The following ECHDC1 variants were observed in gnomAD, a reference collection of about 807,000 sequenced individuals.
ECHDC1 encodes the protein ethylmalonyl-CoA decarboxylase.
ECHDC1 carries 29 observed loss-of-function variants against 29.7 expected under a neutral mutation model. The ratio of observed to expected loss-of-function variants is 0.98; its 90% confidence interval spans 0.73 to 1.33. The LOEUF is 1.33. Among genes scored for constraint, ECHDC1 ranks in the 40% most tolerant of loss-of-function variants. The pLI is 0.00. For missense variants in ECHDC1, 328 were observed against 350.0 expected (o/e 0.94, Z 0.50); for synonymous variants, 126 against 123.1 (o/e 1.02, Z -0.15).
chr6:127,313,681 A>C, intron 5 of ECHDC1: 1 of 435,368 alleles, frequency 2.3e-6, no homozygotes, highest in Admixed American at 2.6e-5. Context: ...ATTTTTAAAA[A>C]AATGGCAAGG....
intron 5 of ECHDC1, among the ~76,000 whole-genome samples, chr6:127,302,545 G>A (rs879825326): frequency 4.6e-5 from 7 of 151,802 alleles, no homozygotes; most frequent in East Asian, 3.9e-4. Context: ...AATTACAGGC[G>A]CCTGCCACCA....
intron 5 of ECHDC1, among the ~76,000 whole-genome samples, chr6:127,293,131 G>A (rs1335273946): frequency 2.0e-5 from 3 of 152,108 alleles, no homozygotes; most frequent in Non-Finnish European, 4.4e-5. Flanking sequence ...AAGTGTTGAT[G>A]ATACCAGGAA....
In ECHDC1 at chr6:127,290,135, A is replaced by G; in HGVS notation, c.640T>C (p.Ser214Pro). ...ATTCCTATGTTTAGAGCATTTTTTG[A>G]ATCCAGTTTAAGGGCCCCACTCAAC... ...KVLSGALKLD[S>P]KNALNIGMVE... is the part of the protein sequence containing the mutation. The change falls in exon 6 of 6, where the codon TCA becomes CCA. Residue 214 changes from serine (S) to proline (P), a missense_variant. Coordinates refer to ENST00000454859, the MANE Select transcript of ECHDC1 (RefSeq NM_001002030.2). 1 of 1,613,704 alleles carries G rather than the reference A, an allele frequency of 6.2e-7. No individual in the cohort carries two copies. Among genetic ancestry groups the G allele is most frequent in the East Asian group, 2.2e-5 (1 of 44,844 alleles).
At chr6:127,299,482 A>G (rs1212012824) in intron 5 of ECHDC1, among the ~76,000 whole-genome samples, 1 of 151,884 alleles carries the variant, frequency 6.6e-6, no homozygotes, top group Non-Finnish European at 1.5e-5. Context: ...AAGATGAATA[A>G]AATAAAAATA....
chr6:127,323,233 T>C (rs1450359669), intron 3 of ECHDC1, among the ~76,000 whole-genome samples: 1 of 152,078 alleles, frequency 6.6e-6, no homozygotes, highest in Non-Finnish European at 1.5e-5. Flanking sequence ...CTGAAATACT[T>C]CTAGTTCCAA....
intron 3 of ECHDC1, among the ~76,000 whole-genome samples, chr6:127,325,199 G>A (rs1245532504): frequency 1.3e-5 from 2 of 152,072 alleles, no homozygotes; most frequent in Non-Finnish European, 2.9e-5. Context: ...AAAAACACCA[G>A]ACAAATTCCA....
chr6:127,331,747 C>A, intron 1 of ECHDC1: 1 of 797,710 alleles, frequency 1.3e-6, no homozygotes, highest in Non-Finnish European at 1.5e-6. Context: ...CCAAGTGTCC[C>A]CTTGGAAACA....
rs962622987 is a variant in ECHDC1 at position 127,331,855 on chromosome 6, G to T, written c.-2-825C>A. 11 of 985,240 alleles carry T rather than the reference G, an allele frequency of 1.1e-5. No individual in the cohort carries two copies. In the African/African-American group the frequency reaches 1.4e-4, roughly 13 times the overall value. The allele number at this position is 985,240 out of a possible 1,614,324, so 61.0% of individuals were successfully genotyped here. A position where few individuals can be genotyped will look rare whatever the true frequency, so the allele number is the denominator to read the frequency against. On this transcript the variant is annotated intron_variant, in intron 1 of 5. Transcript: ENST00000454859. Reference sequence around the variant, plus strand: ...CTTCTGCAAAGCTTTCAGGCAAAAAGCTGGAAAGGGTCCTAAGAAAAATGG... The same window carrying T: ...CTTCTGCAAAGCTTTCAGGCAAAAATCTGGAAAGGGTCCTAAGAAAAATGG...
intron 5 of ECHDC1, among the ~76,000 whole-genome samples, chr6:127,301,876 C>T (rs1400127034): frequency 6.6e-6 from 1 of 151,874 alleles, no homozygotes; most frequent in African/African-American, 2.4e-5. Context: ...AACAAAAAAC[C>T]AAGACACAAG....
intron 3 of ECHDC1, among the ~76,000 whole-genome samples, chr6:127,324,038 C>G (rs187186968): frequency 6.6e-6 from 1 of 152,250 alleles, no homozygotes; most frequent in East Asian, 1.9e-4. Flanking sequence ...TAAAGAGCTT[C>G]CACTTAAAGG....
intron 3 of ECHDC1, among the ~76,000 whole-genome samples, chr6:127,320,072 C>T (rs188045434): frequency 2.2e-4 from 33 of 152,156 alleles, no homozygotes; most frequent in Non-Finnish European, 3.8e-4. Context: ...GGCTGAAGTG[C>T]AGTGGCGTGA....
chr6:127,291,076 C>T (rs368256410), intron 5 of ECHDC1, among the ~76,000 whole-genome samples: 5 of 151,762 alleles, frequency 3.3e-5, no homozygotes, highest in African/African-American at 1.2e-4. Flanking sequence ...TCTCTGGGGA[C>T]GAGTACAGTG....
intron 5 of ECHDC1, among the ~76,000 whole-genome samples, chr6:127,309,007 A>C (rs2114599658): frequency 6.6e-6 from 1 of 152,340 alleles, no homozygotes; most frequent in East Asian, 1.9e-4. Context: ...AAGAATCAAC[A>C]TTGTTAAAAT....
At chr6:127,323,551 C>T (rs1197917486) in intron 3 of ECHDC1, among the ~76,000 whole-genome samples, 2 of 152,120 alleles carry the variant, frequency 1.3e-5, no homozygotes, top group East Asian at 3.9e-4. Context: ...GAAATATCCA[C>T]TATACTCCTC....
intron 5 of ECHDC1, among the ~76,000 whole-genome samples, chr6:127,299,176 T>C (rs1780858945): frequency 6.6e-6 from 1 of 152,122 alleles, no homozygotes; most frequent in Non-Finnish European, 1.5e-5. Flanking sequence ...CTATACTTTT[T>C]ATGTTATTTT....
chr6:127,314,107 G>T (rs1204725718), intron 5 of ECHDC1, among the ~76,000 whole-genome samples: 1 of 152,084 alleles, frequency 6.6e-6, no homozygotes. Flanking sequence ...GCATTATAAA[G>T]AGGCTCCAGT....
rs1214372867 is a variant in ECHDC1 at position 127,291,300 on chromosome 6, A to T, written c.498-1023T>A. On this transcript the variant is annotated intron_variant, in intron 5 of 5. Coordinates refer to ENST00000454859, the MANE Select transcript of ECHDC1 (RefSeq NM_001002030.2). ...CCTTTTTTTTTTTTTTTTTTTAAGG[A>T]ACTGGCAATACAGCTATTGCAGAGC... Among the ~76,000 whole-genome samples the T allele has an allele frequency of 2.1e-5, 3 of 139,610 alleles. No homozygotes were observed. In the East Asian group the frequency reaches 5.9e-4, roughly 27 times the overall value. The allele number at this position is 139,610 out of a possible 152,430, so 91.6% of individuals were successfully genotyped here. A position where few individuals can be genotyped will look rare whatever the true frequency, so the allele number is the denominator to read the frequency against.
At chr6:127,337,757 A>C (rs577012765) in intron 1 of ECHDC1, among the ~76,000 whole-genome samples, 34 of 152,172 alleles carry the variant, frequency 2.2e-4, no homozygotes, top group Non-Finnish European at 3.5e-4. Context: ...TTATGTTTGT[A>C]ATCTCCATTC....
At chr6:127,327,422 A>C (rs924878965) in intron 2 of ECHDC1, among the ~76,000 whole-genome samples, 4 of 152,220 alleles carry the variant, frequency 2.6e-5, no homozygotes, top group Non-Finnish European at 5.9e-5. Flanking sequence ...GAATAAGAAT[A>C]TACTATGCTG....
Sources: gnomAD v4.1 joint callset for allele counts (sites outside exome capture counted in the v4.1 genomes callset) on GRCh38, gnomAD v4.1.1 for gene constraint, MANE v1.5 for transcripts, NCBI Gene and HGNC (gene_info 2026-07-23, HGNC 2026-07-21) for gene names.